EPHA6: variants seen among roughly 807,000 people sequenced by gnomAD.
EPHA6 encodes the protein ephrin type-A receptor 6.
EPHA6 carries 50 observed loss-of-function variants against 112.0 expected under a neutral mutation model. The observed-to-expected ratio is 0.45, with a 90% confidence interval of 0.36 to 0.56. The LOEUF is 0.56. Among genes scored for constraint, EPHA6 ranks in the 20% least tolerant of loss-of-function variants. The pLI, the probability that EPHA6 is intolerant of heterozygous loss-of-function variation, is 0.00. For synonymous variants in EPHA6, 529 were observed against 490.7 expected (o/e 1.08, Z -1.03); for missense variants, 1,280 against 1,417.4 (o/e 0.90, Z 1.56).
intron 3 of EPHA6, among the ~76,000 whole-genome samples, chr3:97,100,968 A>G (rs2047386392): frequency 1.3e-5 from 2 of 152,026 alleles, no homozygotes; most frequent in Non-Finnish European, 2.9e-5. Flanking sequence ...AATAAAGATT[A>G]TCAATAAAGT....
rs554177116 is a variant in EPHA6 at position 97,121,425 on chromosome 3, G to A, written c.1115-104839G>A. ...GTAGGTGGAAGTTTTATTTTCAAAA[G>A]CCTCTTGGGATGGAAGAGGTGAACT... On this transcript the variant is annotated intron_variant, in intron 3 of 17. Coordinates refer to ENST00000389672, the MANE Select transcript of EPHA6 (RefSeq NM_001080448.3). 5.9e-5 allele frequency among the ~76,000 whole-genome samples: 9 copies of A among 152,168 alleles called. No individual in the cohort carries two copies. In the East Asian group the frequency reaches 1.4e-3, roughly 23 times the overall value.
chr3:97,607,736 AG>A (rs539825254), intron 12 of EPHA6, among the ~76,000 whole-genome samples: 6 of 151,264 alleles, frequency 4.0e-5, no homozygotes, highest in African/African-American at 1.4e-4. Context: ...CTGTGATATG[AG>A]GCAGAAGGGG....
intron 5 of EPHA6, among the ~76,000 whole-genome samples, chr3:97,249,381 G>A (rs1014429608): frequency 3.3e-5 from 5 of 152,094 alleles, no homozygotes; most frequent in African/African-American, 1.2e-4. Flanking sequence ...TGATTATAGT[G>A]CAGCCAAATA....
At chr3:97,029,827 A>G (rs2044763434) in intron 3 of EPHA6, among the ~76,000 whole-genome samples, 1 of 152,162 alleles carries the variant, frequency 6.6e-6, no homozygotes, top group African/African-American at 2.4e-5. Flanking sequence ...TTATTAACCA[A>G]TGGATTAAAA....
rs772772744 is a variant in EPHA6 at position 97,319,378 on chromosome 3, C to A, written c.1606+75091C>A. 1.5e-4 allele frequency among the ~76,000 whole-genome samples: 23 copies of A among 150,852 alleles called. No homozygotes were observed. The Admixed American group carries it at 1.5e-3, about 10-fold the overall frequency. On this transcript the variant is annotated intron_variant, in intron 5 of 17. Coordinates refer to ENST00000389672, the MANE Select transcript of EPHA6 (RefSeq NM_001080448.3). ...TATACTACCTTACTTTTTAAAAGACCGAAAAAATATCTGGCACAGTGGCTC... is the reference window on the plus strand; with the variant it reads ...TATACTACCTTACTTTTTAAAAGACAGAAAAAATATCTGGCACAGTGGCTC...
At chr3:97,282,811 G>T (rs1377532958) in intron 5 of EPHA6, among the ~76,000 whole-genome samples, 4 of 152,084 alleles carry the variant, frequency 2.6e-5, no homozygotes, top group African/African-American at 9.7e-5. Flanking sequence ...ACAGGGAGGG[G>T]AACAACACAC....
At chr3:97,285,712 C>T (rs2080443155) in intron 5 of EPHA6, among the ~76,000 whole-genome samples, 1 of 151,962 alleles carries the variant, frequency 6.6e-6, no homozygotes, top group African/African-American at 2.4e-5. Flanking sequence ...ATATACTGAT[C>T]TCCTTTCCTT....
intron 11 of EPHA6, among the ~76,000 whole-genome samples, chr3:97,588,330 T>C (rs2093510960): frequency 6.6e-6 from 1 of 152,194 alleles, no homozygotes; most frequent in Admixed American, 6.5e-5. Flanking sequence ...CACATATGTG[T>C]GCATGTATTT....
intron 2 of EPHA6, among the ~76,000 whole-genome samples, chr3:96,882,895 G>A (rs2037408617): frequency 6.6e-6 from 1 of 152,130 alleles, no homozygotes; most frequent in African/African-American, 2.4e-5. Flanking sequence ...ACATGCGTGT[G>A]CGAGTATGTT....
In EPHA6 at chr3:97,469,719, T is replaced by C. The variant is rs906313377; in HGVS notation, c.1895-5633T>C. On this transcript the variant is annotated intron_variant, in intron 7 of 17. Coordinates refer to ENST00000389672, the MANE Select transcript of EPHA6 (RefSeq NM_001080448.3). ...CCTGAACATCTCTGAGAATGGGACATGGGAAAGGGATGATTTTACTTTCTA... is the reference window on the plus strand; with the variant it reads ...CCTGAACATCTCTGAGAATGGGACACGGGAAAGGGATGATTTTACTTTCTA... Among the ~76,000 whole-genome samples, 8 of 151,692 alleles carry C rather than the reference T, an allele frequency of 5.3e-5. No individual in the cohort carries two copies. In the South Asian group the frequency reaches 1.7e-3, roughly 31 times the overall value.
At chr3:97,414,529 G>A (rs181262190) in intron 6 of EPHA6, among the ~76,000 whole-genome samples, 157 of 151,992 alleles carry the variant, frequency 1.0e-3, no homozygotes, top group Admixed American at 1.8e-3. Context: ...GTTTATTCCC[G>A]CATAGTAACC....
At chr3:97,095,479 G>C (rs1437141673) in intron 3 of EPHA6, among the ~76,000 whole-genome samples, 1 of 151,882 alleles carries the variant, frequency 6.6e-6, no homozygotes, top group African/African-American at 2.4e-5. Context: ...GCTTTCTTTT[G>C]TTGTGACCAT....
At chr3:97,654,883 TG>T in intron 14 of EPHA6, among the ~76,000 whole-genome samples, 1 of 151,688 alleles carries the variant, frequency 6.6e-6, no homozygotes, top group East Asian at 1.9e-4. Context: ...GGGTGACATA[TG>T]ATTTGTGTTC....
intron 3 of EPHA6, among the ~76,000 whole-genome samples, chr3:97,178,731 T>A (rs983302422): frequency 6.6e-6 from 1 of 152,146 alleles, no homozygotes; most frequent in African/African-American, 2.4e-5. Flanking sequence ...TGGAGCTCCA[T>A]TGTATGTTAT....
At chr3:96,918,823 T>C (rs1449650048) in intron 2 of EPHA6, among the ~76,000 whole-genome samples, 1 of 151,942 alleles carries the variant, frequency 6.6e-6, no homozygotes, top group Admixed American at 6.6e-5. Context: ...AAATTAATGT[T>C]TGCGCTTAAA....
chr3:97,141,664 G>A (rs1016662264), intron 3 of EPHA6, among the ~76,000 whole-genome samples: 1 of 151,604 alleles, frequency 6.6e-6, no homozygotes, highest in African/African-American at 2.4e-5. Flanking sequence ...AAAACCTCTG[G>A]GAAATGGCAA....
intron 5 of EPHA6, among the ~76,000 whole-genome samples, chr3:97,336,834 T>C (rs985958704): frequency 3.3e-5 from 5 of 151,804 alleles, no homozygotes; most frequent in African/African-American, 9.7e-5. Context: ...AAGAATCATG[T>C]TTTTCATTGT....
At chr3:97,597,394 T>G (rs2093603739) in intron 12 of EPHA6, among the ~76,000 whole-genome samples, 1 of 152,152 alleles carries the variant, frequency 6.6e-6, no homozygotes, top group Admixed American at 6.5e-5. Context: ...TATGAACACA[T>G]GGGTATTCAA....
chr3:96,962,172 CACAGAGCTGATGTTAG>C (rs2041968619), intron 2 of EPHA6, among the ~76,000 whole-genome samples: 1 of 151,990 alleles, frequency 6.6e-6, no homozygotes, highest in Non-Finnish European at 1.5e-5. Context: ...AGCCTTCACA[CACAGAGCTGATGTTAG>C]AGCATCCTGA....
Sources: allele counts gnomAD v4.1 joint callset (sites outside exome capture counted in the v4.1 genomes callset), GRCh38; gene constraint gnomAD v4.1.1; transcripts MANE v1.5; gene names NCBI Gene and HGNC (gene_info 2026-07-23, HGNC 2026-07-21).